NAT10: variants seen among roughly 807,000 people sequenced by gnomAD.
NAT10 encodes the protein RNA cytidine acetyltransferase.
In NAT10, 109 loss-of-function variants were observed where a neutral mutation model predicts 132.2. That is an observed-to-expected ratio of 0.82 (90% confidence interval 0.71 to 0.97). The LOEUF is 0.97. Ranked by LOEUF, NAT10 falls within the 50% of genes least tolerant of loss-of-function variation. The probability of loss-of-function intolerance (pLI) is 0.00; values close to 1 mark genes in which losing one functional copy is unlikely to be tolerated. For missense variants in NAT10, 1,184 were observed against 1,263.4 expected, an observed-to-expected ratio of 0.94 and a Z score of 0.95; for synonymous variants, 479 against 478.0, an observed-to-expected ratio of 1.00 and a Z score of -0.03.
intron 12 of NAT10, among the ~76,000 whole-genome samples, chr11:34,128,679 T>C (rs1449806119): frequency 6.6e-6 from 1 of 152,244 alleles, no homozygotes; most frequent in Non-Finnish European, 1.5e-5. Context: ...CAAACAGCTT[T>C]ATTGAGATAT....
At chr11:34,136,450 A>G (rs992330587) in intron 19 of NAT10, among the ~76,000 whole-genome samples, 192 bp from the exon 20 acceptor site, 1 of 152,142 alleles carries the variant, frequency 6.6e-6, no homozygotes, top group East Asian at 1.9e-4. Flanking sequence ...GTGTGATTCT[A>G]TGCATGTTGA....
At chr11:34,121,858 CAA>C (rs34304264) in intron 8 of NAT10, among the ~76,000 whole-genome samples, 842 of 36,740 alleles carry the variant, frequency 0.023, 1 homozygote, top group African/African-American at 0.087. Flanking sequence ...GACTCTGTCT[CAA>C]AAAAAAAAAA....
At chr11:34,124,941 A>G (rs1851959827) in intron 11 of NAT10, among the ~76,000 whole-genome samples, 2 of 152,200 alleles carry the variant, frequency 1.3e-5, no homozygotes, top group South Asian at 4.1e-4. Context: ...AATCTCTAAG[A>G]GAGGCATGAG....
Position 34,140,432 on chromosome 11 carries a change from C to G in NAT10, c.2452C>G (p.Leu818Val). 6.2e-7 allele frequency: 1 copy of G among 1,614,100 alleles called. No individual in the cohort carries two copies. The highest frequency in any genetic ancestry group is 8.5e-7 in the Non-Finnish European group (1 of 1,179,946). ...LSREELEALFLPYDLKRLEMY... is the reference protein window; with the variant it reads ...LSREELEALFVPYDLKRLEMY... ...CCGGGAGGAGCTGGAAGCACTCTTC[C>G]TCCCCTATGACCTGAAGCGGCTGGA... The change falls in exon 24 of 29, where the codon CTC (leucine) becomes GTC (valine). Residue 818 changes from leucine to valine, a missense_variant. Leu to Val is a conservative substitution (Grantham distance 32). Coordinates refer to ENST00000257829, the MANE Select transcript of NAT10 (RefSeq NM_024662.3).
chr11:34,117,907 G>A (rs572303442), intron 6 of NAT10, among the ~76,000 whole-genome samples: 5 of 152,304 alleles, frequency 3.3e-5, no homozygotes, highest in Admixed American at 1.3e-4. Context: ...GCCACGTGGT[G>A]TAGGGAATAG....
Position 34,146,336 on chromosome 11 carries a change from C to G in NAT10, c.*144C>G. ...GAATTCGGCCTCTGGGCCTGTGTGT[C>G]TGTGAGCTCAACCTGGCTAAAGGCA... On this transcript the variant is annotated 3_prime_UTR_variant, in exon 29 of 29. Transcript: ENST00000257829. The G allele has an allele frequency of 3.3e-6, 2 of 601,338 alleles. No individual in the cohort carries two copies. The highest frequency in any genetic ancestry group is 5.8e-6 in the Non-Finnish European group (2 of 342,024). 37.3% of individuals were successfully genotyped at this position (601,338 alleles called of 1,614,324 possible).
intron 3 of NAT10, among the ~76,000 whole-genome samples, chr11:34,109,819 G>T: frequency 6.6e-6 from 1 of 152,182 alleles, no homozygotes; most frequent in East Asian, 1.9e-4. Flanking sequence ...GCTCTATGCA[G>T]ACCAACTTTC....
chr11:34,109,140 C>G (rs1461144388), intron 3 of NAT10, among the ~76,000 whole-genome samples: 1 of 152,088 alleles, frequency 6.6e-6, no homozygotes, highest in Non-Finnish European at 1.5e-5. Flanking sequence ...ATTTATTCCA[C>G]TTTTCACTCT....
chr11:34,121,452 G>T (rs1851890928), intron 8 of NAT10, among the ~76,000 whole-genome samples: 2 of 152,146 alleles, frequency 1.3e-5, no homozygotes, highest in African/African-American at 4.8e-5. Flanking sequence ...TGAACAGTTA[G>T]ATGGGGAAGA....
chr11:34,133,975 AC>A (rs1004919811), intron 16 of NAT10, among the ~76,000 whole-genome samples: 1 of 150,366 alleles, frequency 6.7e-6, no homozygotes. Flanking sequence ...ACACGGTGAA[AC>A]CCCTTCTCTA....
At chr11:34,111,719 A>T (rs1851698347) in intron 3 of NAT10, among the ~76,000 whole-genome samples, 1 of 152,222 alleles carries the variant, frequency 6.6e-6, no homozygotes. Flanking sequence ...TGAGATAATG[A>T]GGCCACTCAG....
intron 9 of NAT10, among the ~76,000 whole-genome samples, chr11:34,123,541 C>A (rs772871214): frequency 1.4e-4 from 21 of 152,244 alleles, no homozygotes; most frequent in Non-Finnish European, 2.4e-4. Context: ...AGGGCGTTGT[C>A]TCCACAGTGC....
At chr11:34,130,331 C>G (rs1852082490) in intron 12 of NAT10, among the ~76,000 whole-genome samples, 2 of 152,128 alleles carry the variant, frequency 1.3e-5, no homozygotes, top group Non-Finnish European at 2.9e-5. Flanking sequence ...GTTTTATTTT[C>G]CAAACTGGAA....
chr11:34,127,317 C>A, intron 11 of NAT10, 146 bp from the exon 12 acceptor site: 1 of 949,820 alleles, frequency 1.1e-6, no homozygotes, highest in Non-Finnish European at 1.5e-6. Flanking sequence ...TTTTGCCCTG[C>A]CAGGAAAAAG....
In NAT10 at chr11:34,140,399, G is replaced by T; in HGVS notation, c.2420-1G>T. 1 of 1,613,068 alleles carries T rather than the reference G, an allele frequency of 6.2e-7. No individual in the cohort carries two copies. Among genetic ancestry groups the T allele is most frequent in the Non-Finnish European group, 8.5e-7 (1 of 1,179,090 alleles). On this transcript the variant is annotated splice_acceptor_variant, in intron 23 of 28. Transcript: ENST00000257829. LOFTEE classifies it high-confidence loss of function. ...TGTCTAGCTCTCTATCCCATGGACA[G>T]CCCTGAGCCGGGAGGAGCTGGAAGC...
rs1220103633 is a variant in NAT10 at position 34,134,436 on chromosome 11, T to C, written c.1836+16T>C. ...GTCAGAACAGGTGACGGGCTTTCCCTGGTGTGTCTGAGGGAAGCTGGTGGT... is the reference window on the plus strand; with the variant it reads ...GTCAGAACAGGTGACGGGCTTTCCCCGGTGTGTCTGAGGGAAGCTGGTGGT... On this transcript the variant is annotated intron_variant, in intron 17 of 28. Transcript: ENST00000257829. 2.5e-6 allele frequency: 4 copies of C among 1,613,858 alleles called. No individual in the cohort carries two copies. The highest frequency in any genetic ancestry group is 1.7e-6 in the Non-Finnish European group (2 of 1,179,824).
Position 34,140,506 on chromosome 11 carries a change from C to T in NAT10, c.2526C>T (p.Ile842=). The T allele has an allele frequency of 1.2e-6, 2 of 1,614,200 alleles. No individual in the cohort carries two copies. The highest frequency in any genetic ancestry group is 1.7e-6 in the Non-Finnish European group (2 of 1,180,028). Reference sequence around the variant, plus strand: ...ACTATCACCTCATCATGGACATGATCCCGGCCATCTCTCGCATCTATTTCC... The same window carrying T: ...ACTATCACCTCATCATGGACATGATTCCGGCCATCTCTCGCATCTATTTCC... ...MVDYHLIMDM[I]PAISRIYFLN... Residue 842 remains isoleucine (I), a synonymous_variant, in exon 24 of 29, where the codon ATC becomes ATT. Coordinates refer to ENST00000257829, the MANE Select transcript of NAT10 (RefSeq NM_024662.3).
chr11:34,113,470 GTCT>G (rs1412054621), intron 4 of NAT10, among the ~76,000 whole-genome samples: 3 of 151,888 alleles, frequency 2.0e-5, no homozygotes, highest in African/African-American at 2.4e-5. Context: ...GTGCTCTGAA[GTCT>G]TCTTTTTGCC....
intron 13 of NAT10, 69 bp from the exon 14 acceptor site, chr11:34,131,312 C>T: frequency 6.6e-7 from 1 of 1,524,478 alleles, no homozygotes; most frequent in African/African-American, 1.4e-5. Flanking sequence ...AAACATTTTT[C>T]CTTGCTTTTT....
Sources: allele counts gnomAD v4.1 joint callset (sites outside exome capture counted in the v4.1 genomes callset), GRCh38; gene constraint gnomAD v4.1.1; transcripts MANE v1.5; gene names NCBI Gene and HGNC (gene_info 2026-07-23, HGNC 2026-07-21).